ENPP6: variants seen among roughly 807,000 people sequenced by gnomAD.
ENPP6 encodes glycerophosphocholine cholinephosphodiesterase ENPP6.
ENPP6 carries 32 observed loss-of-function variants against 42.0 expected under a neutral mutation model. The ratio of observed to expected loss-of-function variants is 0.76; its 90% CI spans 0.58 to 1.02. The LOEUF (loss-of-function observed/expected upper bound fraction) is 1.02. Among genes scored for constraint, ENPP6 ranks in the 50% least tolerant of loss-of-function variants. ENPP6 has a pLI of 0.00. For synonymous variants in ENPP6, 213 were observed against 216.0 expected (o/e 0.99, Z 0.12); for missense variants, 552 against 566.8 (o/e 0.97, Z 0.27).
At chr4:184,128,640 G>T (rs368648408) in intron 2 of ENPP6, among the ~76,000 whole-genome samples, 1 of 150,098 alleles carries the variant, frequency 6.7e-6, no homozygotes, top group Non-Finnish European at 1.5e-5. Context: ...GAAATATAAC[G>T]TGCAAAATTG....
chr4:184,112,384 C>T (rs906936401), intron 6 of ENPP6, among the ~76,000 whole-genome samples: 5 of 152,168 alleles, frequency 3.3e-5, no homozygotes, highest in East Asian at 1.9e-4. Context: ...CACTTTCAAG[C>T]GAACAGGTTA....
chr4:184,165,109 G>C (rs538038578), intron 1 of ENPP6, among the ~76,000 whole-genome samples: 1 of 152,188 alleles, frequency 6.6e-6, no homozygotes, highest in Non-Finnish European at 1.5e-5. Context: ...CTGAGGAAGC[G>C]CTTTACCTGG....
intron 2 of ENPP6, among the ~76,000 whole-genome samples, chr4:184,144,374 G>A (rs1487610782): frequency 1.3e-5 from 2 of 152,162 alleles, no homozygotes; most frequent in Non-Finnish European, 2.9e-5. Flanking sequence ...TCCAGACCTG[G>A]CCAGAAACCA....
intron 1 of ENPP6, among the ~76,000 whole-genome samples, chr4:184,167,600 T>G (rs1348089054): frequency 6.6e-6 from 1 of 152,158 alleles, no homozygotes; most frequent in Non-Finnish European, 1.5e-5. Context: ...CCCGCTTTTT[T>G]GGGGGGAAAG....
rs73009796 is a variant in ENPP6, at chr4:184,214,431, C to A, written c.241+3148G>T. On this transcript the variant is annotated intron_variant, in intron 1 of 7. Coordinates refer to ENST00000296741, the MANE Select transcript of ENPP6 (RefSeq NM_153343.4). ...GGTTTCAAGGTTGCTCACAAATAGG[C>A]CTGTTGATTCCCCATCCCCATCCAC... 8.7e-3 allele frequency among the ~76,000 whole-genome samples: 1,326 copies of A among 152,206 alleles called. 24 individuals carry two copies. The highest frequency in any genetic ancestry group is 0.03 in the African/African-American group (1,247 of 41,514).
chr4:184,097,241 C>T lies in ENPP6; in HGVS notation c.1117+4G>A, dbSNP rs1735926234. On this transcript the variant is annotated splice_donor_region_variant and intron_variant, in intron 7 of 7. Transcript: ENST00000296741. ...TGAGAGCATCTGGTCATTTCCTCGC[C>T]TACCAGGTCCGAAGGCCAGGAAGAT... 5.6e-6 allele frequency: 9 copies of T among 1,614,064 alleles called. No individual in the cohort carries two copies. In the East Asian group the frequency reaches 1.3e-4, roughly 24 times the overall value.
chr4:184,162,589 G>GA (rs1281488388), intron 1 of ENPP6, among the ~76,000 whole-genome samples: 1 of 111,026 alleles, frequency 9.0e-6, no homozygotes, highest in Non-Finnish European at 1.9e-5. Context: ...GGAAGGAAGA[G>GA]AGGGAGGGAG....
intron 1 of ENPP6, among the ~76,000 whole-genome samples, chr4:184,199,740 CA>C (rs1331919168): frequency 1.3e-5 from 2 of 152,158 alleles, no homozygotes; most frequent in African/African-American, 4.8e-5. Context: ...AACTATAGAG[CA>C]CTTTCTTCAT....
At chr4:184,204,216 ACAG>A (rs1360847375) in intron 1 of ENPP6, 6 of 152,330 alleles carry the variant, frequency 3.9e-5, no homozygotes, top group African/African-American at 1.2e-4. Flanking sequence ...ATCTTCAAAT[ACAG>A]TCACATTCGG....
At chr4:184,152,606 G>T (rs1737074307) in intron 2 of ENPP6, among the ~76,000 whole-genome samples, 1 of 152,174 alleles carries the variant, frequency 6.6e-6, no homozygotes, top group Admixed American at 6.5e-5. Context: ...ATTGCCACGG[G>T]CGTGGGAAAG....
chr4:184,199,387 A>G (rs1373568707), intron 1 of ENPP6, among the ~76,000 whole-genome samples: 1 of 152,248 alleles, frequency 6.6e-6, no homozygotes, highest in African/African-American at 2.4e-5. Context: ...GAGTGGCTGA[A>G]GAACACAATA....
intron 6 of ENPP6, among the ~76,000 whole-genome samples, chr4:184,104,756 T>C (rs574529433): frequency 6.6e-6 from 1 of 152,344 alleles, no homozygotes; most frequent in Admixed American, 6.5e-5. Context: ...AGGAATCAAC[T>C]GTCTCAATAT....
At chr4:184,205,330 T>A (rs2111118777) in intron 1 of ENPP6, among the ~76,000 whole-genome samples, 1 of 152,158 alleles carries the variant, frequency 6.6e-6, no homozygotes, top group Non-Finnish European at 1.5e-5. Flanking sequence ...GCTGGTGGGG[T>A]GGCTGGGGAA....
chr4:184,179,668 A>C (rs192110297), intron 1 of ENPP6, among the ~76,000 whole-genome samples: 1 of 151,704 alleles, frequency 6.6e-6, no homozygotes, highest in Admixed American at 6.6e-5. Flanking sequence ...AAAAAACCAC[A>C]GTCTCTCAGA....
intron 6 of ENPP6, among the ~76,000 whole-genome samples, chr4:184,111,433 C>T (rs1258883216): frequency 5.3e-5 from 8 of 152,130 alleles, no homozygotes; most frequent in African/African-American, 1.9e-4. Flanking sequence ...TGTGTGAGGT[C>T]CTGAGCAAAC....
At chr4:184,111,371 G>A (rs1171963315) in intron 6 of ENPP6, among the ~76,000 whole-genome samples, 1 of 152,232 alleles carries the variant, frequency 6.6e-6, no homozygotes, top group African/African-American at 2.4e-5. Context: ...CTGGAAGGCT[G>A]GCGTTGTGGA....
chr4:184,115,823 T>C (rs1736303760), intron 5 of ENPP6, among the ~76,000 whole-genome samples: 1 of 152,084 alleles, frequency 6.6e-6, no homozygotes, highest in Non-Finnish European at 1.5e-5. Flanking sequence ...CAGAAACAGA[T>C]CAGCCTGGCA....
chr4:184,113,952 T>TTTCTTTCC (rs1736269020), intron 5 of ENPP6, among the ~76,000 whole-genome samples: 1 of 149,582 alleles, frequency 6.7e-6, no homozygotes, highest in African/African-American at 2.5e-5. Flanking sequence ...TCTTTCTTTC[T>TTTCTTTCC]TTCTTTCTTT....
At chr4:184,122,933 A>G (rs774729942) in intron 3 of ENPP6, among the ~76,000 whole-genome samples, 6 of 152,212 alleles carry the variant, frequency 3.9e-5, no homozygotes, top group Non-Finnish European at 7.3e-5. Flanking sequence ...TCACTCGCAC[A>G]AAACTAGACT....
Sources: allele counts gnomAD v4.1 joint callset (sites outside exome capture counted in the v4.1 genomes callset), GRCh38; gene constraint gnomAD v4.1.1; transcripts MANE v1.5; gene names NCBI Gene and HGNC (gene_info 2026-07-23, HGNC 2026-07-21).